NLRP6: variants seen among roughly 807,000 people sequenced by gnomAD.
NLRP6 encodes NLR family pyrin domain containing 6, also known as NACHT, LRR and PYD domains-containing protein 6.
NLRP6 carries 55 observed loss-of-function variants against 70.9 expected under a neutral mutation model. The ratio of observed to expected loss-of-function variants is 0.78; its 90% confidence interval spans 0.62 to 0.97. NLRP6 has a LOEUF of 0.97. Among genes scored for constraint, NLRP6 ranks in the 50% least tolerant of loss-of-function variants. The pLI, the probability that NLRP6 is intolerant of heterozygous loss-of-function variation, is 0.00. For missense variants in NLRP6, 1,241 were observed against 1,238.3 expected (o/e 1.00, Z -0.03); for synonymous variants, 652 against 581.9 (o/e 1.12, Z -1.73).
At position 280,118 on chromosome 11, in the gene NLRP6, G is replaced by A; in HGVS notation, c.384G>A (p.Gln128=). ...AGAAGTACCGGGAGCACGTGCTGCA[G>A]CTGCACGCTCGGGTGAAGGAGAGGA... is the stretch of plus-strand genomic sequence containing the variant. The part of the protein sequence containing the change: ...YKKKYREHVL[Q]LHARVKERNA... The change falls in exon 4 of 8, where the codon CAG becomes CAA. Residue 128 remains glutamine, a synonymous_variant. Transcript: ENST00000534750. The A allele has an allele frequency of 6.5e-7, 1 of 1,531,472 alleles. No individual in the cohort carries two copies. The highest frequency in any genetic ancestry group is 8.8e-7 in the Non-Finnish European group (1 of 1,141,250). The allele number at this position is 1,531,472 out of a possible 1,614,324, so 94.9% of individuals were successfully genotyped here. A position where few individuals can be genotyped will look rare whatever the true frequency, so the allele number is the denominator to read the frequency against.
chr11:285,017 C>T, intron 7 of NLRP6, 149 bp from the exon 8 acceptor site: 1 of 659,528 alleles, frequency 1.5e-6, no homozygotes, highest in Admixed American at 2.7e-5. Context: ...CACAGCCAAG[C>T]TGACAGCCCA....
chr11:280,442 C>T lies in NLRP6; in HGVS notation c.708C>T (p.Pro236=). 2 of 1,592,206 alleles carry T rather than the reference C, an allele frequency of 1.3e-6. No homozygotes were observed. Among genetic ancestry groups the T allele is most frequent in the South Asian group, 2.2e-5 (2 of 90,292 alleles). The stretch of plus-strand genomic sequence containing the variant: ...AGGTGGACTTCGCCTTCTTCATGCC[C>T]TGCGGCGAGCTGCTGGAGAGGCCGG... ...QGQVDFAFFM[P]CGELLERPGT... The change falls in exon 4 of 8, where the codon CCC becomes CCT. Residue 236 remains proline, a synonymous_variant. Coordinates refer to ENST00000534750, the MANE Select transcript of NLRP6 (RefSeq NM_001276700.2).
intron 1 of NLRP6, chr11:279,102 G>C (rs965980056): frequency 2.5e-6 from 1 of 393,066 alleles, no homozygotes; most frequent in African/African-American, 2.1e-5. Flanking sequence ...CACCCTCAGA[G>C]GGCGAAGAAC....
chr11:280,154 C>G lies in NLRP6; in HGVS notation c.420C>G (p.Ser140=), dbSNP rs760952563. The stretch of plus-strand genomic sequence containing the variant: ...GGGTGAAGGAGAGGAACGCCCGCTC[C>G]GTGAAGATCACCAAGCGCTTCACCA... The part of the protein sequence containing the change: ...HARVKERNAR[S]VKITKRFTKL... The change falls in exon 4 of 8, where the codon TCC becomes TCG. Residue 140 remains serine (S), a synonymous_variant. Transcript: ENST00000534750. The G allele has an allele frequency of 2.9e-5, 45 of 1,551,830 alleles. No individual in the cohort carries two copies. The highest frequency in any genetic ancestry group is 3.7e-5 in the Non-Finnish European group (43 of 1,148,532).
Position 278,524 on chromosome 11 carries a change from C to T in NLRP6, c.-46C>T, listed in dbSNP as rs1311340230. ...CCTGTGAAGGAATCACCTCTCTGATCCCCACCTCTGCCCCGGAGTGCTAGA... is the reference window on the plus strand; with the variant it reads ...CCTGTGAAGGAATCACCTCTCTGATTCCCACCTCTGCCCCGGAGTGCTAGA... On this transcript the variant is annotated 5_prime_UTR_variant, in exon 1 of 8. Coordinates refer to ENST00000534750, the MANE Select transcript of NLRP6 (RefSeq NM_001276700.2). The surrounding 1 kb of genome is among the most constrained non-coding windows in gnomAD (Gnocchi z 4.7). The T allele has an allele frequency of 6.8e-7, 1 of 1,471,822 alleles. No homozygotes were observed. The highest frequency in any genetic ancestry group is 1.4e-5 in the South Asian group (1 of 72,072). 91.2% of individuals were successfully genotyped at this position (1,471,822 alleles called of 1,614,324 possible).
Position 279,507 on chromosome 11 carries a change from G to A in NLRP6, c.210G>A (p.Gln70=). The A allele has an allele frequency of 6.9e-7, 1 of 1,458,464 alleles. No individual in the cohort carries two copies. Among genetic ancestry groups the A allele is most frequent in the Non-Finnish European group, 9.0e-7 (1 of 1,106,826 alleles). 90.3% of individuals were successfully genotyped at this position (1,458,464 alleles called of 1,614,324 possible). A position where few individuals can be genotyped will look rare whatever the true frequency, so the allele number is the denominator to read the frequency against. ...DAVDLAEQLA[Q]FYGPEPALEV... ...TGGACCTCGCGGAGCAGCTGGCCCA[G>A]TTCTACGGCCCGGAGCCTGCCCTGG... The change falls in exon 2 of 8, where the codon CAG becomes CAA. Residue 70 remains glutamine (Q), a synonymous_variant. Transcript: ENST00000534750.
rs1213390097 is a variant in NLRP6 at position 281,044 on chromosome 11, G to C, written c.1310G>C (p.Arg437Pro). 1.2e-5 allele frequency: 19 copies of C among 1,613,042 alleles called. No homozygotes were observed. Among genetic ancestry groups the C allele is most frequent in the Non-Finnish European group, 1.6e-5 (19 of 1,179,946 alleles). ...LSSAPVADGP[R>P]LQGDLRNLCR... The stretch of plus-strand genomic sequence containing the variant: ...TCGGCTCCGGTAGCCGACGGGCCCC[G>C]GTTGCAGGGCGACCTGCGCAATCTG... Residue 437 changes from arginine to proline, a missense_variant, in exon 4 of 8, where the codon CGG (arginine) becomes CCG (proline). Coordinates refer to ENST00000534750, the MANE Select transcript of NLRP6 (RefSeq NM_001276700.2).
intron 4 of NLRP6, among the ~76,000 whole-genome samples, chr11:282,440 G>A (rs1305448008): frequency 6.6e-6 from 1 of 152,202 alleles, no homozygotes; most frequent in East Asian, 1.9e-4. Flanking sequence ...CAGGGGCTGG[G>A]CCTGGGGACC....
In NLRP6 at chr11:282,792, C is replaced by A. The variant is rs745789071; in HGVS notation, c.2193C>A (p.Ser731Arg). 1.3e-5 allele frequency: 21 copies of A among 1,610,874 alleles called. No individual in the cohort carries two copies. Among genetic ancestry groups the A allele is most frequent in the Non-Finnish European group, 1.6e-5 (19 of 1,177,192 alleles). ...AMTDPLCHLSSLTLSHCKLPD... is the reference protein window; with the variant it reads ...AMTDPLCHLSRLTLSHCKLPD... ...CTGACCCACTGTGCCATCTGAGCAG[C>A]CTCACGTGAGTGGCCACACCCCCAG... Residue 731 changes from serine (S) to arginine (R), a missense_variant, in exon 5 of 8, where the codon AGC (serine) becomes AGA (arginine). By Grantham distance (110) the Ser-to-Arg change is moderately radical. Transcript: ENST00000534750.
Position 281,684 on chromosome 11 carries a change from C to T in NLRP6, c.1950C>T (p.Arg650=), listed in dbSNP as rs1845481853. Residue 650 remains arginine, a synonymous_variant, in exon 4 of 8, where the codon CGC becomes CGT. Coordinates refer to ENST00000534750, the MANE Select transcript of NLRP6 (RefSeq NM_001276700.2). ...CGGAGCTGGCGCTGCAGCGAGTGCG[C>T]TTCTGCCGCATGGACGTGGCTGTTC... ...RFPELALQRV[R]FCRMDVAVLS... is the part of the protein sequence containing the mutation. 2 of 1,613,460 alleles carry T rather than the reference C, an allele frequency of 1.2e-6. No individual in the cohort carries two copies. Among genetic ancestry groups the T allele is most frequent in the African/African-American group, 2.7e-5 (2 of 75,074 alleles).
chr11:279,938 G>A, intron 3 of NLRP6, 66 bp downstream of exon 3: 1 of 1,448,048 alleles, frequency 6.9e-7, no homozygotes, highest in Non-Finnish European at 9.1e-7. Flanking sequence ...GGGAGGACCG[G>A]GGTGGGAGGG....
chr11:279,304 G>T, intron 1 of NLRP6, 23 bp from the exon 2 acceptor site: 2 of 1,260,774 alleles, frequency 1.6e-6, no homozygotes, highest in South Asian at 5.7e-5. Context: ...GCTCCCCGAT[G>T]ACCCGCGCCC....
intron 3 of NLRP6, 55 bp downstream of exon 3, chr11:279,927 G>T: frequency 1.4e-6 from 2 of 1,460,558 alleles, no homozygotes; most frequent in Non-Finnish European, 1.8e-6. Context: ...GGAGGGTCCC[G>T]GGGAGGACCG....
chr11:279,612 G>A lies in NLRP6; in HGVS notation c.310+5G>A. 9 of 1,396,810 alleles carry A rather than the reference G, an allele frequency of 6.4e-6. No individual in the cohort carries two copies. The highest frequency in any genetic ancestry group is 8.3e-6 in the Non-Finnish European group (9 of 1,080,332). The allele number at this position is 1,396,810 out of a possible 1,614,324, so 86.5% of individuals were successfully genotyped here. ...TCCAGGAGCGGCGGCTGCAGCGTGA[G>A]TTCTGCGCGGGAGGTCCCTCCTGTC... is the stretch of plus-strand genomic sequence containing the variant. On this transcript the variant is annotated splice_donor_5th_base_variant and intron_variant, in intron 2 of 7. Coordinates refer to ENST00000534750, the MANE Select transcript of NLRP6 (RefSeq NM_001276700.2).
chr11:279,280 G>A (rs959010863), intron 1 of NLRP6, 47 bp from the exon 2 acceptor site: 11 of 1,234,000 alleles, frequency 8.9e-6, no homozygotes, highest in Admixed American at 8.5e-5. Context: ...GCGGGCGGGG[G>A]TCACCCGAGG....
At chr11:279,804 G>A (rs1845440367) in intron 2 of NLRP6, 30 bp from the exon 3 acceptor site, 1 of 1,579,838 alleles carries the variant, frequency 6.3e-7, no homozygotes. Context: ...TCCCGCCCTC[G>A]GCGGAACCTC....
In NLRP6 at chr11:284,302, G is replaced by T; in HGVS notation, c.2271G>T (p.Leu757=). 1 of 1,612,670 alleles carries T rather than the reference G, an allele frequency of 6.2e-7. No individual in the cohort carries two copies. The part of the protein sequence containing the change: ...LSEALRAAPA[L]TELGLLHNRL... Reference sequence around the variant, plus strand: ...AGGCCCTGAGGGCAGCCCCCGCACTGACGGAGCTGGGCCTCCTCCACAACA... The same window carrying T: ...AGGCCCTGAGGGCAGCCCCCGCACTTACGGAGCTGGGCCTCCTCCACAACA... Residue 757 remains leucine, a synonymous_variant, in exon 6 of 8, where the codon CTG becomes CTT. Transcript: ENST00000534750.
At position 278,769 on chromosome 11, in the gene NLRP6, G is replaced by A. The variant is rs994343454; in HGVS notation, c.29+171G>A. ...TGCCTCCCCACAGAGGGCATTTGTGGAGTCTGTTCCCCACCAGGGGCTCAG... is the reference window on the plus strand; with the variant it reads ...TGCCTCCCCACAGAGGGCATTTGTGAAGTCTGTTCCCCACCAGGGGCTCAG... On this transcript the variant is annotated intron_variant, in intron 1 of 7. Transcript: ENST00000534750. This position sits in a 1 kb window ranked among gnomAD's most constrained non-coding sequence, Gnocchi z 4.7. 1.3e-5 allele frequency among the ~76,000 whole-genome samples: 2 copies of A among 152,218 alleles called. No homozygotes were observed. The highest frequency in any genetic ancestry group is 4.8e-5 in the African/African-American group (2 of 41,452).
At position 281,073 on chromosome 11, in the gene NLRP6, C is replaced by T. The variant is rs143978016; in HGVS notation, c.1339C>T (p.Arg447Cys). 511 of 1,612,736 alleles carry T rather than the reference C, an allele frequency of 3.2e-4. 2 individuals carry two copies. The African/African-American group carries it at 4.6e-3, about 15-fold the overall frequency. The change falls in exon 4 of 8, where the codon CGC becomes TGC. Residue 447 changes from arginine (R) to cysteine (C), a missense_variant. Coordinates refer to ENST00000534750, the MANE Select transcript of NLRP6 (RefSeq NM_001276700.2). ...GCAGGGCGACCTGCGCAATCTGTGC[C>T]GCCTGGCCCGCGAGGGCGTCCTCGG... is the stretch of plus-strand genomic sequence containing the variant. ...RLQGDLRNLC[R>C]LAREGVLGRR...
Sources: gnomAD v4.1 joint callset for allele counts (sites outside exome capture counted in the v4.1 genomes callset) on GRCh38, gnomAD v4.1.1 for gene constraint, Gnocchi (gnomAD v3.1) non-coding constraint, MANE v1.5 for transcripts, NCBI Gene and HGNC (gene_info 2026-07-23, HGNC 2026-07-21) for gene names.